Variants in CREB5 observed in about 807,000 individuals in gnomAD.
CREB5 encodes cyclic AMP-responsive element-binding protein 5.
Under a neutral mutation model 57.1 loss-of-function variants are expected in CREB5, and 19 were observed. That is an observed-to-expected ratio of 0.33 (90% CI 0.23 to 0.49). The LOEUF (loss-of-function observed/expected upper bound fraction) is 0.49, where lower values mean the gene tolerates loss of function less well. Ranked by LOEUF, CREB5 falls within the 20% of genes least tolerant of loss-of-function variation. The pLI, the probability that CREB5 is intolerant of heterozygous loss-of-function variation, is 0.99. For missense variants in CREB5, 579 were observed against 671.6 expected (o/e 0.86, Z 1.52); for synonymous variants, 238 against 238.3 (o/e 1.00, Z 0.01).
At chr7:28,435,771 C>T (rs1788935547) in intron 1 of CREB5, 3 of 659,572 alleles carry the variant, frequency 4.5e-6, no homozygotes, top group South Asian at 1.4e-4. Flanking sequence ...GAAGAAGATG[C>T]TCTGGTATGA....
At chr7:28,457,979 CA>C (rs1231079650) in intron 1 of CREB5, among the ~76,000 whole-genome samples, 4 of 152,084 alleles carry the variant, frequency 2.6e-5, no homozygotes, top group African/African-American at 9.7e-5. Flanking sequence ...TGTTATTGAA[CA>C]GGACTCTAGG....
chr7:28,693,990 A>G (rs1345966577), intron 5 of CREB5, among the ~76,000 whole-genome samples: 1 of 152,216 alleles, frequency 6.6e-6, no homozygotes, highest in East Asian at 1.9e-4. Flanking sequence ...TGTACATGCC[A>G]TTGGTCAGAA....
chr7:28,783,636 A>T (rs921338655), intron 7 of CREB5, among the ~76,000 whole-genome samples: 29 of 152,282 alleles, frequency 1.9e-4, no homozygotes, highest in African/African-American at 7.0e-4. Context: ...TTAGTAGCAG[A>T]TGTGTCATCT....
At chr7:28,442,520 A>G (rs1261997903) in intron 1 of CREB5, among the ~76,000 whole-genome samples, 1 of 152,042 alleles carries the variant, frequency 6.6e-6, no homozygotes, top group Non-Finnish European at 1.5e-5. Flanking sequence ...GTTTTTTGAG[A>G]AACTTTCATA....
At chr7:28,817,209 A>G (rs760167039) in intron 9 of CREB5, among the ~76,000 whole-genome samples, 1 of 152,184 alleles carries the variant, frequency 6.6e-6, no homozygotes, top group African/African-American at 2.4e-5. Context: ...AATTAATTCA[A>G]TCATGGCCCA....
At chr7:28,432,370 C>T (rs1350514278) in intron 1 of CREB5, among the ~76,000 whole-genome samples, 1 of 152,130 alleles carries the variant, frequency 6.6e-6, no homozygotes, top group African/African-American at 2.4e-5. Context: ...AATCATTTTT[C>T]GGTTGTGTCA....
intron 5 of CREB5, chr7:28,686,287 C>G (rs758480923): frequency 2.2e-6 from 2 of 900,604 alleles, no homozygotes; most frequent in Non-Finnish European, 3.6e-6. Flanking sequence ...CGTCCTCCTC[C>G]TCCTCCTCTT....
chr7:28,457,793 A>G (rs2128572769), intron 1 of CREB5, among the ~76,000 whole-genome samples: 1 of 152,206 alleles, frequency 6.6e-6, no homozygotes, highest in South Asian at 2.1e-4. Context: ...CTGACTTAGG[A>G]CAGAATCTTG....
At chr7:28,568,247 T>G (rs901455136) in intron 4 of CREB5, among the ~76,000 whole-genome samples, 6 of 152,220 alleles carry the variant, frequency 3.9e-5, no homozygotes, top group African/African-American at 1.4e-4. Flanking sequence ...TTTGCGAATT[T>G]AAAGATTGTG....
intron 5 of CREB5, among the ~76,000 whole-genome samples, chr7:28,637,541 G>A (rs1798472405): frequency 6.6e-6 from 1 of 152,174 alleles, no homozygotes. Context: ...GAAGGGGAGG[G>A]AGAGATGGTT....
intron 5 of CREB5, among the ~76,000 whole-genome samples, chr7:28,651,823 T>C (rs1012526714): frequency 6.6e-6 from 1 of 152,218 alleles, no homozygotes; most frequent in African/African-American, 2.4e-5. Context: ...ACCTGTCTTT[T>C]GCACTTTCAC....
In CREB5 at chr7:28,724,124, G is replaced by T; in HGVS notation, c.592-98G>T. 3.8e-6 allele frequency: 4 copies of T among 1,041,388 alleles called. No individual in the cohort carries two copies. The South Asian group carries it at 6.5e-5, about 17-fold the overall frequency. 64.5% of individuals were successfully genotyped at this position (1,041,388 alleles called of 1,614,324 possible). On this transcript the variant is annotated intron_variant, in intron 6 of 10. Coordinates refer to ENST00000357727, the MANE Select transcript of CREB5 (RefSeq NM_182898.4). ...TAGGCCTTCTCAGGATTTCTTCAAA[G>T]AAATACTAAACGATCCATTGGACAG...
chr7:28,307,414 C>T (rs1402606895), intron 1 of CREB5, among the ~76,000 whole-genome samples: 3 of 152,216 alleles, frequency 2.0e-5, no homozygotes, highest in Non-Finnish European at 4.4e-5. Flanking sequence ...GAGGACACAG[C>T]AACAAGGTGT....
At chr7:28,464,016 A>G (rs531992005) in intron 1 of CREB5, among the ~76,000 whole-genome samples, 2 of 152,308 alleles carry the variant, frequency 1.3e-5, no homozygotes, top group African/African-American at 2.4e-5. Context: ...TAAAACATTC[A>G]GTGTTACACA....
chr7:28,518,400 C>T (rs1470762355), intron 4 of CREB5, among the ~76,000 whole-genome samples: 1 of 152,198 alleles, frequency 6.6e-6, no homozygotes, highest in Non-Finnish European at 1.5e-5. Context: ...GAATCACAGC[C>T]TCTCTCAAAG....
chr7:28,485,343 C>T (rs773714333), intron 1 of CREB5, among the ~76,000 whole-genome samples: 1 of 152,088 alleles, frequency 6.6e-6, no homozygotes, highest in Non-Finnish European at 1.5e-5. Context: ...GTCACATCAT[C>T]TAATGTTACC....
chr7:28,407,685 C>T (rs1036142070), upstream of CREB5, among the ~76,000 whole-genome samples: 1 of 152,158 alleles, frequency 6.6e-6, no homozygotes, highest in African/African-American at 2.4e-5. Context: ...CTGAATAAGG[C>T]TGTGAGGATC....
At chr7:28,776,799 G>T (rs1198866736) in intron 7 of CREB5, among the ~76,000 whole-genome samples, 2 of 152,118 alleles carry the variant, frequency 1.3e-5, no homozygotes, top group Admixed American at 6.5e-5. Context: ...GTTATATGTG[G>T]CCTTTTGTGG....
intron 4 of CREB5, among the ~76,000 whole-genome samples, chr7:28,524,346 C>CAG (rs1035914009): frequency 3.4e-5 from 5 of 147,792 alleles, no homozygotes; most frequent in Admixed American, 2.7e-4. Flanking sequence ...CACACACACA[C>CAG]ACACACACAC....
Sources: gnomAD v4.1 joint callset for allele counts (sites outside exome capture counted in the v4.1 genomes callset) on GRCh38, gnomAD v4.1.1 for gene constraint, MANE v1.5 for transcripts, NCBI Gene and HGNC (gene_info 2026-07-23, HGNC 2026-07-21) for gene names.